The following USH2A variants were observed in gnomAD, a reference collection of about 807,000 sequenced individuals.
The protein encoded by USH2A is Usher syndrome 2A (autosomal recessive, mild).
A neutral mutation model predicts 538.9 loss-of-function variants in USH2A; 443 were observed. That is an observed-to-expected ratio of 0.82 (90% CI 0.76 to 0.89). The LOEUF is 0.89. Among genes scored for constraint, USH2A ranks in the 40% least tolerant of loss-of-function variants. The pLI, the probability that USH2A is intolerant of heterozygous loss-of-function variation, is 0.00. For missense variants in USH2A, 6,633 were observed against 6,324.8 expected, an observed-to-expected ratio of 1.05 and a Z score of -1.65; for synonymous variants, 2,413 against 2,273.5, an observed-to-expected ratio of 1.06 and a Z score of -1.75.
At chr1:216,292,411 G>A (rs1013570448) in intron 9 of USH2A, 41 bp from the exon 10 acceptor site, 32 of 1,592,072 alleles carry the variant, frequency 2.0e-5, no homozygotes, top group Non-Finnish European at 2.7e-5. Flanking sequence ...AAATAAAGCT[G>A]TGATTTTCTT....
chr1:216,366,230 CA>C (rs1391411370), intron 3 of USH2A, among the ~76,000 whole-genome samples: 1 of 151,860 alleles, frequency 6.6e-6, no homozygotes, highest in Non-Finnish European at 1.5e-5. Context: ...TAAGGTCATG[CA>C]AAGGAAAGGT....
chr1:216,320,718 A>G (rs2037589668), intron 9 of USH2A, among the ~76,000 whole-genome samples: 1 of 152,168 alleles, frequency 6.6e-6, no homozygotes, highest in Non-Finnish European at 1.5e-5. Context: ...TAAAGTTACA[A>G]TTTGTTCATT....
At position 216,282,631 on chromosome 1, in the gene USH2A, G is replaced by T. The variant is rs1303420533; in HGVS notation, c.1971+6649C>A. On this transcript the variant is annotated intron_variant, in intron 11 of 71. Coordinates refer to ENST00000307340, the MANE Select transcript of USH2A (RefSeq NM_206933.4). ...CCAGTACCATGCTGTCTTGATTATA[G>T]TAAATTTTGAAATTGGGAAGGGTGA... Among the ~76,000 whole-genome samples the T allele has an allele frequency of 1.6e-4, 25 of 152,130 alleles. 1 individual carries two copies.
intron 47 of USH2A, among the ~76,000 whole-genome samples, chr1:215,835,146 T>C (rs1001165720): frequency 7.2e-6 from 1 of 139,382 alleles, no homozygotes; most frequent in Admixed American, 7.4e-5. Context: ...CCCCTTTTTA[T>C]CTTTAAGAGT....
chr1:215,752,025 G>A (rs1469861190), intron 58 of USH2A, among the ~76,000 whole-genome samples: 3 of 152,054 alleles, frequency 2.0e-5, no homozygotes, highest in African/African-American at 7.2e-5. Flanking sequence ...GCAGTCTTTG[G>A]AAAATATGTG....
At chr1:215,828,736 A>T (rs1558116716) in intron 47 of USH2A, among the ~76,000 whole-genome samples, 1 of 152,208 alleles carries the variant, frequency 6.6e-6, no homozygotes, top group Non-Finnish European at 1.5e-5. Flanking sequence ...ACATGATCTG[A>T]GTTCTTTCTC....
intron 32 of USH2A, 53 bp downstream of exon 32, chr1:216,046,378 T>C (rs1243762102): frequency 1.2e-6 from 2 of 1,607,686 alleles, no homozygotes; most frequent in African/African-American, 2.7e-5. Context: ...TATATGTATG[T>C]TTATATTTGA....
chr1:216,002,506 A>G (rs1007655055), intron 32 of USH2A, among the ~76,000 whole-genome samples: 2 of 152,002 alleles, frequency 1.3e-5, no homozygotes, highest in African/African-American at 4.8e-5. Context: ...GTGCAATTGG[A>G]GAAAACCTAT....
chr1:216,077,411 A>G (rs960856005), intron 27 of USH2A, among the ~76,000 whole-genome samples: 3 of 151,980 alleles, frequency 2.0e-5, no homozygotes, highest in African/African-American at 7.2e-5. Flanking sequence ...CTGAAAAACT[A>G]TGGAGACAAT....
chr1:215,631,001 T>C (rs1656265357), intron 70 of USH2A, among the ~76,000 whole-genome samples: 1 of 152,188 alleles, frequency 6.6e-6, no homozygotes. Context: ...AAACTTAAAC[T>C]TAGCTATACT....
intron 44 of USH2A, among the ~76,000 whole-genome samples, chr1:215,850,091 A>G (rs757415656): frequency 6.6e-6 from 1 of 152,172 alleles, no homozygotes; most frequent in South Asian, 2.1e-4. Context: ...AATTGCTGAT[A>G]AGTACTGAAG....
At chr1:216,183,063 T>C (rs528052121) in intron 20 of USH2A, among the ~76,000 whole-genome samples, 1 of 152,200 alleles carries the variant, frequency 6.6e-6, no homozygotes, top group African/African-American at 2.4e-5. Flanking sequence ...GTCATGGTAT[T>C]ATTTATCACA....
intron 3 of USH2A, among the ~76,000 whole-genome samples, chr1:216,417,720 T>C (rs2039601427): frequency 6.6e-6 from 1 of 152,152 alleles, no homozygotes; most frequent in South Asian, 2.1e-4. Flanking sequence ...GCTGAGCAGA[T>C]GCCAGAATCA....
Position 215,877,757 on chromosome 1 carries a change from C to T in USH2A, c.8681+1G>A, listed in dbSNP as rs876657733. On this transcript the variant is annotated splice_donor_variant, in intron 43 of 71. Coordinates refer to ENST00000307340, the MANE Select transcript of USH2A (RefSeq NM_206933.4). LOFTEE classifies it high-confidence loss of function. ...TGTTTTTATAGTTTTTGTAATCTCA[C>T]CTGCTAAGACCCTTATCTTCATAAA... 6.2e-6 allele frequency: 10 copies of T among 1,613,444 alleles called. No homozygotes were observed. Among genetic ancestry groups the T allele is most frequent in the Non-Finnish European group, 7.6e-6 (9 of 1,179,594 alleles).
intron 43 of USH2A, among the ~76,000 whole-genome samples, chr1:215,867,629 G>A (rs116290186): frequency 0.01 from 1,539 of 152,210 alleles, 20 homozygotes; most frequent in African/African-American, 0.033. Flanking sequence ...ATTTTCTTCC[G>A]ATACCTATGC....
intron 30 of USH2A, among the ~76,000 whole-genome samples, chr1:216,052,963 T>C (rs1400469188): frequency 6.6e-6 from 1 of 152,208 alleles, no homozygotes; most frequent in Non-Finnish European, 1.5e-5. Flanking sequence ...AGGTACTCTC[T>C]GGAAAATACA....
At chr1:216,243,441 C>A (rs566914552) in intron 13 of USH2A, among the ~76,000 whole-genome samples, 1 of 152,284 alleles carries the variant, frequency 6.6e-6, no homozygotes, top group South Asian at 2.1e-4. Context: ...CAATCTCTTT[C>A]TTACTCCTTA....
chr1:216,235,457 A>G (rs1051408434), intron 13 of USH2A, among the ~76,000 whole-genome samples: 5 of 152,186 alleles, frequency 3.3e-5, no homozygotes, highest in Admixed American at 3.3e-4. Context: ...ATTTTCCCAT[A>G]TTATTTAGCT....
At chr1:215,749,006 T>C (rs1251716340) in intron 58 of USH2A, among the ~76,000 whole-genome samples, 1 of 152,222 alleles carries the variant, frequency 6.6e-6, no homozygotes, top group Non-Finnish European at 1.5e-5. Flanking sequence ...CAACTACAAA[T>C]AAATGTTACA....
Sources: allele counts gnomAD v4.1 joint callset (sites outside exome capture counted in the v4.1 genomes callset), GRCh38; gene constraint gnomAD v4.1.1; transcripts MANE v1.5; gene names NCBI Gene and HGNC (gene_info 2026-07-23, HGNC 2026-07-21).